Variants in CTNNA3 observed in about 807,000 individuals in gnomAD.
The protein encoded by CTNNA3 is catenin alpha 3, also known as catenin alpha-3.
CTNNA3 carries 76 observed loss-of-function variants against 95.7 expected under a neutral mutation model. The observed-to-expected ratio is 0.79, with a 90% confidence interval of 0.66 to 0.96. The LOEUF (loss-of-function observed/expected upper bound fraction) is 0.96. CTNNA3 is among the 40% of genes least tolerant of loss of function. The pLI, the probability that CTNNA3 is intolerant of heterozygous loss-of-function variation, is 0.00. For missense variants in CTNNA3, 1,191 were observed against 1,089.8 expected (o/e 1.09, Z -1.31); for synonymous variants, 431 against 374.4 (o/e 1.15, Z -1.74).
At chr10:66,207,349 T>C (rs2087828592) in intron 13 of CTNNA3, among the ~76,000 whole-genome samples, 1 of 151,898 alleles carries the variant, frequency 6.6e-6, no homozygotes, top group Non-Finnish European at 1.5e-5. Context: ...GAAGAGATAT[T>C]TACTGTATGG....
intron 9 of CTNNA3, among the ~76,000 whole-genome samples, chr10:66,684,400 G>A (rs1847174438): frequency 6.6e-6 from 1 of 152,052 alleles, no homozygotes; most frequent in African/African-American, 2.4e-5. Context: ...ATCATTCTTA[G>A]CATAAAAGCA....
At chr10:67,314,396 A>AAG (rs1840954099) in intron 5 of CTNNA3, among the ~76,000 whole-genome samples, 2 of 152,196 alleles carry the variant, frequency 1.3e-5, no homozygotes, top group South Asian at 4.1e-4. Context: ...GGCTCAGGAC[A>AAG]AGAGAAGCAA....
At chr10:67,403,054 G>A (rs1439106400) in intron 5 of CTNNA3, among the ~76,000 whole-genome samples, 2 of 152,336 alleles carry the variant, frequency 1.3e-5, no homozygotes, top group South Asian at 2.1e-4. Context: ...AGCTGCCAGG[G>A]AAAGGGGTGG....
intron 13 of CTNNA3, among the ~76,000 whole-genome samples, chr10:66,104,850 T>C (rs1011098754): frequency 6.6e-6 from 1 of 152,228 alleles, no homozygotes; most frequent in African/African-American, 2.4e-5. Context: ...ACAGACATTC[T>C]GTTTATTGTC....
intron 9 of CTNNA3, among the ~76,000 whole-genome samples, chr10:66,757,980 T>A (rs1839436398): frequency 6.6e-6 from 1 of 152,210 alleles, no homozygotes; most frequent in South Asian, 2.1e-4. Context: ...GTATTTTGCA[T>A]GATTTTGGCA....
At chr10:67,445,242 A>T (rs1489225371) in intron 5 of CTNNA3, among the ~76,000 whole-genome samples, 1 of 152,026 alleles carries the variant, frequency 6.6e-6, no homozygotes, top group African/African-American at 2.4e-5. Context: ...TCATAACACC[A>T]AAGAAAAGCA....
intron 7 of CTNNA3, among the ~76,000 whole-genome samples, chr10:66,978,552 A>AAAAATAT: frequency 1.1e-4 from 4 of 37,880 alleles, no homozygotes; most frequent in African/African-American, 3.5e-4. Flanking sequence ...AAAAAAAAAA[A>AAAAATAT]ATATATATAT....
In CTNNA3 at chr10:66,520,365, C is replaced by T. The variant is rs112689312; in HGVS notation, c.1531+252G>A. On this transcript the variant is annotated intron_variant, in intron 11 of 17. Coordinates refer to ENST00000433211, the MANE Select transcript of CTNNA3 (RefSeq NM_013266.4). ...CTCCTGGGTTCAAGCAATTCTCCTGCCTCAGCCTCCTGAGTAGCTGGGATT... is the reference window on the plus strand; with the variant it reads ...CTCCTGGGTTCAAGCAATTCTCCTGTCTCAGCCTCCTGAGTAGCTGGGATT... Among the ~76,000 whole-genome samples the T allele has an allele frequency of 9.5e-3, 1,423 of 149,126 alleles. 22 individuals are homozygous for T. Among genetic ancestry groups the T allele is most frequent in the African/African-American group, 0.034 (1,377 of 40,764 alleles).
At chr10:65,970,818 A>T (rs2133269630) in intron 16 of CTNNA3, among the ~76,000 whole-genome samples, 1 of 151,164 alleles carries the variant, frequency 6.6e-6, no homozygotes, top group Admixed American at 6.6e-5. Flanking sequence ...TTCAACAAAA[A>T]GTCTTAACTA....
intron 9 of CTNNA3, among the ~76,000 whole-genome samples, chr10:66,755,475 T>C (rs75510206): frequency 2.0e-5 from 3 of 152,128 alleles, no homozygotes; most frequent in African/African-American, 4.8e-5. Flanking sequence ...AAAAAGATCA[T>C]TGATATCATT....
intron 7 of CTNNA3, among the ~76,000 whole-genome samples, chr10:66,870,977 G>A (rs1844379300): frequency 6.6e-6 from 1 of 152,152 alleles, no homozygotes; most frequent in Non-Finnish European, 1.5e-5. Context: ...GTGGACTGAA[G>A]GCAGAAGCTG....
At chr10:67,232,130 G>C (rs1014496084) in intron 5 of CTNNA3, among the ~76,000 whole-genome samples, 5 of 151,962 alleles carry the variant, frequency 3.3e-5, no homozygotes, top group African/African-American at 1.2e-4. Context: ...AGCAAGGCAG[G>C]CCAACATTCA....
intron 3 of CTNNA3, among the ~76,000 whole-genome samples, chr10:67,557,882 T>A (rs1841315493): frequency 6.6e-6 from 1 of 152,170 alleles, no homozygotes; most frequent in African/African-American, 2.4e-5. Context: ...GAACTGGGCC[T>A]GAGAAACTCT....
At chr10:67,335,952 C>T (rs1300483199) in intron 5 of CTNNA3, among the ~76,000 whole-genome samples, 1 of 151,768 alleles carries the variant, frequency 6.6e-6, no homozygotes, top group Non-Finnish European at 1.5e-5. Flanking sequence ...TTTTCCAACA[C>T]CATGTGCTCA....
chr10:67,730,683 G>C (rs993259281), intron 1 of CTNNA3, among the ~76,000 whole-genome samples: 9 of 151,482 alleles, frequency 5.9e-5, no homozygotes, highest in African/African-American at 2.2e-4. Context: ...AAGAGAGAGA[G>C]GGAGAAAGAA....
intron 9 of CTNNA3, among the ~76,000 whole-genome samples, chr10:66,688,814 A>G (rs1457519727): frequency 4.2e-5 from 6 of 142,784 alleles, no homozygotes; most frequent in Non-Finnish European, 9.0e-5. Flanking sequence ...ACTAAAAAAT[A>G]CAAAAAAAAA....
intron 5 of CTNNA3, among the ~76,000 whole-genome samples, chr10:67,289,626 A>G (rs778758688): frequency 6.6e-6 from 1 of 152,164 alleles, no homozygotes; most frequent in Non-Finnish European, 1.5e-5. Context: ...CAGTACATGT[A>G]TTTCAAGGCT....
rs183604959 is a variant in CTNNA3, at chr10:66,450,640, T to C, written c.1531+69977A>G. 2.0e-5 allele frequency among the ~76,000 whole-genome samples: 3 copies of C among 152,234 alleles called. No individual in the cohort carries two copies. In the East Asian group the frequency reaches 5.8e-4, roughly 29 times the overall value. ...ATATTTACACTTAAAAGAAAAATCT[T>C]GCTCCATTGATATAACATCTCAAGG... On this transcript the variant is annotated intron_variant, in intron 11 of 17. Transcript: ENST00000433211.
chr10:66,397,368 TA>T (rs2092986984), intron 11 of CTNNA3, among the ~76,000 whole-genome samples: 1 of 151,378 alleles, frequency 6.6e-6, no homozygotes, highest in Admixed American at 6.6e-5. Flanking sequence ...GAAGTAAATA[TA>T]ACATTGATAC....
Sources: allele counts gnomAD v4.1 joint callset (sites outside exome capture counted in the v4.1 genomes callset), GRCh38; gene constraint gnomAD v4.1.1; transcripts MANE v1.5; gene names NCBI Gene and HGNC (gene_info 2026-07-23, HGNC 2026-07-21).